Variants in TSPAN8 observed in about 807,000 individuals in gnomAD.
TSPAN8 encodes the protein tetraspanin-8.
In TSPAN8, 21 loss-of-function variants were observed where a neutral mutation model predicts 32.8. That is an observed-to-expected ratio of 0.64 (90% CI 0.45 to 0.92). The LOEUF (loss-of-function observed/expected upper bound fraction) is 0.92, where lower values mean the gene tolerates loss of function less well. TSPAN8 is among the 40% of genes least tolerant of loss of function. TSPAN8 has a pLI of 0.00. For missense variants in TSPAN8, 269 were observed against 281.9 expected (o/e 0.95, Z 0.33); for synonymous variants, 95 against 94.6 (o/e 1.00, Z -0.03).
chr12:71,136,018 C>T (rs1187992128), intron 6 of TSPAN8, among the ~76,000 whole-genome samples: 3 of 151,772 alleles, frequency 2.0e-5, no homozygotes, highest in African/African-American at 4.8e-5. Context: ...TTTCAGCTTT[C>T]GGAAATGATG....
At chr12:71,125,504 T>C (rs1871324088) in intron 8 of TSPAN8, 117 bp from the exon 9 acceptor site, 4 of 790,956 alleles carry the variant, frequency 5.1e-6, no homozygotes, top group South Asian at 4.0e-5. Flanking sequence ...AGTTCCAATC[T>C]TATCTAACTC....
intron 6 of TSPAN8, among the ~76,000 whole-genome samples, chr12:71,134,783 T>G (rs1261776712): frequency 6.6e-6 from 1 of 152,182 alleles, no homozygotes; most frequent in Non-Finnish European, 1.5e-5. Context: ...TCAGGACTCC[T>G]TAGGGAGGCA....
Position 71,139,803 on chromosome 12 carries a change from C to T in TSPAN8, c.169G>A (p.Asp57Asn). 4 of 1,613,860 alleles carry T rather than the reference C, an allele frequency of 2.5e-6. No individual in the cohort carries two copies. In the Admixed American group the frequency reaches 6.7e-5, roughly 27 times the overall value. ...ATGGCACCTACAGCAATCAATATGT[C>T]CACAGCAACGTAGGAGCTAGAGCCT... ...DVGSSSYVAV[D>N]ILIAVGAIIM... Residue 57 changes from aspartate to asparagine, a missense_variant, in exon 4 of 9, where the codon GAC becomes AAC. Physicochemically the swap from Asp to Asn is conservative, Grantham distance 23. Coordinates refer to ENST00000247829, the MANE Select transcript of TSPAN8 (RefSeq NM_004616.3).
At chr12:71,139,284 C>T (rs1236797989) in intron 4 of TSPAN8, 1 of 462,012 alleles carries the variant, frequency 2.2e-6, no homozygotes, top group Non-Finnish European at 4.3e-6. Flanking sequence ...CCTACCCTCA[C>T]TCATACAAAT....
chr12:71,153,789 G>C (rs1319643578), intron 2 of TSPAN8, among the ~76,000 whole-genome samples: 2 of 152,094 alleles, frequency 1.3e-5, no homozygotes, highest in African/African-American at 4.8e-5. Flanking sequence ...TTAAAATATT[G>C]ATGTCACCTC....
At chr12:71,143,662 C>T (rs1871980477) in intron 3 of TSPAN8, among the ~76,000 whole-genome samples, 1 of 152,168 alleles carries the variant, frequency 6.6e-6, no homozygotes, top group African/African-American at 2.4e-5. Context: ...TACCCTTGTA[C>T]CTTGTTGCCT....
intron 6 of TSPAN8, among the ~76,000 whole-genome samples, chr12:71,134,759 G>C (rs1485301682): frequency 6.6e-6 from 1 of 152,094 alleles, no homozygotes; most frequent in African/African-American, 2.4e-5. Flanking sequence ...TTCATATTTG[G>C]AATATTGTAG....
intron 6 of TSPAN8, among the ~76,000 whole-genome samples, chr12:71,135,238 G>A (rs1473476687): frequency 0.012 from 762 of 63,876 alleles, 9 homozygotes; most frequent in African/African-American, 0.028. Flanking sequence ...GAAGGAGGAG[G>A]AGGAGGAGGA....
chr12:71,129,907 A>C (rs1460324374), intron 7 of TSPAN8, among the ~76,000 whole-genome samples: 7 of 151,150 alleles, frequency 4.6e-5, no homozygotes, highest in Admixed American at 4.0e-4. Context: ...TAATATTGTA[A>C]ATTTTCATTT....
At chr12:71,125,955 G>T (rs1871338430) in intron 8 of TSPAN8, among the ~76,000 whole-genome samples, 1 of 152,084 alleles carries the variant, frequency 6.6e-6, no homozygotes, top group South Asian at 2.1e-4. Context: ...AAGTGAAAAA[G>T]CACAGCTGAA....
intron 2 of TSPAN8, among the ~76,000 whole-genome samples, chr12:71,150,900 G>C (rs1872232271): frequency 6.6e-6 from 1 of 152,056 alleles, no homozygotes; most frequent in Non-Finnish European, 1.5e-5. Context: ...CTTCCACCAT[G>C]ATTGTGAGGC....
At chr12:71,131,739 A>G (rs1056629698) in intron 7 of TSPAN8, among the ~76,000 whole-genome samples, 6 of 102,690 alleles carry the variant, frequency 5.8e-5, no homozygotes, top group African/African-American at 8.9e-5. Context: ...TTTTGTACAC[A>G]TTTCTTCTAA....
At chr12:71,153,266 G>A (rs1437182694) in intron 2 of TSPAN8, among the ~76,000 whole-genome samples, 1 of 152,118 alleles carries the variant, frequency 6.6e-6, no homozygotes, top group Non-Finnish European at 1.5e-5. Context: ...ACAAGACTAG[G>A]GAAATAGGTT....
At chr12:71,137,549 A>C (rs1871741824) in intron 6 of TSPAN8, among the ~76,000 whole-genome samples, 1 of 152,032 alleles carries the variant, frequency 6.6e-6, no homozygotes, top group South Asian at 2.1e-4. Flanking sequence ...GCAGCGAGCC[A>C]AGATTGCACC....
chr12:71,153,693 AGAGCTCAGAGCT>A (rs994944332), intron 2 of TSPAN8, among the ~76,000 whole-genome samples: 4 of 152,224 alleles, frequency 2.6e-5, no homozygotes, highest in African/African-American at 4.8e-5. Flanking sequence ...ATTCCAACTG[AGAGCTCAGAGCT>A]GAGCATAGAC....
At chr12:71,137,611 A>T (rs1871745329) in intron 6 of TSPAN8, among the ~76,000 whole-genome samples, 1 of 152,038 alleles carries the variant, frequency 6.6e-6, no homozygotes, top group South Asian at 2.1e-4. Flanking sequence ...CCCCAAAAAA[A>T]AGGGGGAGAG....
intron 7 of TSPAN8, among the ~76,000 whole-genome samples, chr12:71,130,380 T>G (rs1167196035): frequency 6.6e-6 from 1 of 152,230 alleles, no homozygotes; most frequent in Non-Finnish European, 1.5e-5. Flanking sequence ...GGAAGTTGCC[T>G]CTCTGCTACA....
At chr12:71,132,937 C>A in intron 6 of TSPAN8, 113 bp from the exon 7 acceptor site, 1 of 1,216,038 alleles carries the variant, frequency 8.2e-7, no homozygotes. Flanking sequence ...TGCTAAAATA[C>A]CATGTAAGTC....
At chr12:71,144,287 C>A in intron 2 of TSPAN8, 74 bp from the exon 3 acceptor site, 1 of 1,366,664 alleles carries the variant, frequency 7.3e-7, no homozygotes, top group Non-Finnish European at 1.0e-6. Context: ...ACCCTCCTAT[C>A]TATCCGGTGA....
Sources: allele counts gnomAD v4.1 joint callset (sites outside exome capture counted in the v4.1 genomes callset), GRCh38; gene constraint gnomAD v4.1.1; transcripts MANE v1.5; gene names NCBI Gene and HGNC (gene_info 2026-07-23, HGNC 2026-07-21).